Variants in PRKG1 observed in about 807,000 individuals in gnomAD.
The protein encoded by PRKG1 is cGMP-dependent protein kinase 1.
Under a neutral mutation model 88.1 loss-of-function variants are expected in PRKG1, and 35 were observed. The observed-to-expected ratio is 0.40, with a 90% CI of 0.30 to 0.53. The LOEUF is 0.53. Ranked by LOEUF, PRKG1 falls within the 20% of genes least tolerant of loss-of-function variation. The probability of loss-of-function intolerance (pLI) is 0.59; values close to 1 mark genes in which losing one functional copy is unlikely to be tolerated. For synonymous variants in PRKG1, 303 were observed against 292.5 expected (o/e 1.04, Z -0.37); for missense variants, 540 against 839.8 (o/e 0.64, Z 4.41).
intron 2 of PRKG1, among the ~76,000 whole-genome samples, chr10:51,311,537 A>G (rs1841186071): frequency 6.6e-6 from 1 of 152,200 alleles, no homozygotes; most frequent in African/African-American, 2.4e-5. Flanking sequence ...ACAGGTGAAG[A>G]AGTATTCACT....
chr10:52,197,300 T>G (rs1839532486), intron 9 of PRKG1, among the ~76,000 whole-genome samples: 1 of 152,178 alleles, frequency 6.6e-6, no homozygotes, highest in Non-Finnish European at 1.5e-5. Context: ...CATGTTGGAC[T>G]TCAAACATAG....
intron 5 of PRKG1, among the ~76,000 whole-genome samples, chr10:51,989,780 C>A (rs1411170109): frequency 1.3e-5 from 2 of 151,908 alleles, no homozygotes; most frequent in African/African-American, 2.4e-5. Flanking sequence ...TAAGGAGTAA[C>A]TTTTTTTATA....
At chr10:51,881,076 T>C (rs1426932304) in intron 4 of PRKG1, among the ~76,000 whole-genome samples, 1 of 151,894 alleles carries the variant, frequency 6.6e-6, no homozygotes, top group African/African-American at 2.4e-5. Context: ...TCTGGAAGCA[T>C]AGTTCAGGTA....
At chr10:51,039,091 A>T (rs1179866649) in intron 1 of PRKG1, among the ~76,000 whole-genome samples, 2 of 152,226 alleles carry the variant, frequency 1.3e-5, no homozygotes, top group Non-Finnish European at 2.9e-5. Context: ...TCTTTTGGGC[A>T]TATACCTAGC....
intron 7 of PRKG1, among the ~76,000 whole-genome samples, chr10:52,088,236 C>G (rs1343369429): frequency 6.6e-6 from 1 of 151,676 alleles, no homozygotes; most frequent in South Asian, 2.1e-4. Flanking sequence ...TTCACATCCA[C>G]AAAAATGCCT....
At chr10:51,761,445 T>C (rs1473923231) in intron 3 of PRKG1, among the ~76,000 whole-genome samples, 1 of 152,216 alleles carries the variant, frequency 6.6e-6, no homozygotes, top group Non-Finnish European at 1.5e-5. Flanking sequence ...GGATTCCACA[T>C]GGCATCCTGC....
rs982744563 is a variant in PRKG1 at position 51,400,632 on chromosome 10, A to G, written c.479-67091A>G. On this transcript the variant is annotated intron_variant, in intron 2 of 17. Coordinates refer to ENST00000373980, the MANE Select transcript of PRKG1 (RefSeq NM_006258.4). ...AAACAAATTGTAACTATAGTGAAAA[A>G]TAAAAAGCAGAGTGCAACGTGGAAG... Among the ~76,000 whole-genome samples the G allele has an allele frequency of 2.6e-5, 4 of 152,250 alleles. No individual in the cohort carries two copies. In the East Asian group the frequency reaches 5.8e-4, roughly 22 times the overall value.
At chr10:51,960,121 C>T (rs1843410408) in intron 5 of PRKG1, among the ~76,000 whole-genome samples, 1 of 118,470 alleles carries the variant, frequency 8.4e-6, no homozygotes. Flanking sequence ...ACTTTGGTTT[C>T]CTTTTTTTTT....
intron 3 of PRKG1, among the ~76,000 whole-genome samples, chr10:51,559,293 G>A (rs1171042718): frequency 1.3e-5 from 2 of 152,022 alleles, no homozygotes; most frequent in African/African-American, 2.4e-5. Context: ...ATACCGACGG[G>A]ACAGAAAAAC....
chr10:51,389,689 T>C (rs1837349253), intron 2 of PRKG1, among the ~76,000 whole-genome samples: 1 of 152,162 alleles, frequency 6.6e-6, no homozygotes, highest in African/African-American at 2.4e-5. Flanking sequence ...TATAAGTTAT[T>C]TTCCATATAT....
At chr10:51,538,343 GTATAT>G (rs1842212059) in intron 3 of PRKG1, among the ~76,000 whole-genome samples, 1 of 132,968 alleles carries the variant, frequency 7.5e-6, no homozygotes, top group Non-Finnish European at 1.7e-5. Flanking sequence ...TGAACATTAT[GTATAT>G]TATGATATAT....
At chr10:51,535,725 ATTTTTT>A (rs34150180) in intron 3 of PRKG1, among the ~76,000 whole-genome samples, 1 of 145,038 alleles carries the variant, frequency 6.9e-6, no homozygotes, top group Admixed American at 6.8e-5. Flanking sequence ...GAAATCAATG[ATTTTTT>A]TTTTTTTTTT....
At chr10:52,263,516 C>T (rs1841487033) in intron 10 of PRKG1, among the ~76,000 whole-genome samples, 1 of 151,900 alleles carries the variant, frequency 6.6e-6, no homozygotes, top group African/African-American at 2.4e-5. Context: ...TTAGAACATT[C>T]CTACCACTGC....
intron 3 of PRKG1, among the ~76,000 whole-genome samples, chr10:51,485,723 CA>C (rs140194773): frequency 0.011 from 1,624 of 152,188 alleles, 15 homozygotes; most frequent in Non-Finnish European, 0.016. Flanking sequence ...TATAAGCTGG[CA>C]AAAAGCTTCT....
chr10:52,142,146 T>C (rs1162178482), intron 8 of PRKG1, among the ~76,000 whole-genome samples: 1 of 152,142 alleles, frequency 6.6e-6, no homozygotes, highest in African/African-American at 2.4e-5. Flanking sequence ...AATCCTTTAG[T>C]TTAAAAATGA....
chr10:51,506,105 T>G (rs548079866), intron 3 of PRKG1, among the ~76,000 whole-genome samples: 145 of 152,224 alleles, frequency 9.5e-4, no homozygotes, highest in African/African-American at 3.4e-3. Flanking sequence ...TAGCCATATG[T>G]AGAAAGCTGA....
chr10:52,183,369 C>T (rs1270760113), intron 9 of PRKG1, among the ~76,000 whole-genome samples: 3 of 152,172 alleles, frequency 2.0e-5, no homozygotes, highest in Non-Finnish European at 4.4e-5. Flanking sequence ...TATGTAGTGG[C>T]TCTCCTTGCC....
rs374095966 is a variant in PRKG1, at chr10:51,481,578, T to C, written c.592+13742T>C. Among the ~76,000 whole-genome samples, 23 of 152,304 alleles carry C rather than the reference T, an allele frequency of 1.5e-4. No homozygotes were observed. In the East Asian group the frequency reaches 3.1e-3, roughly 20 times the overall value. ...TCTTTGGTTCAATAGAATACATTATTTTAGTGTACATTAATTTAAAAATTC... is the reference window on the plus strand; with the variant it reads ...TCTTTGGTTCAATAGAATACATTATCTTAGTGTACATTAATTTAAAAATTC... On this transcript the variant is annotated intron_variant, in intron 3 of 17. Coordinates refer to ENST00000373980, the MANE Select transcript of PRKG1 (RefSeq NM_006258.4).
chr10:51,332,809 C>A (rs895627215), intron 2 of PRKG1, among the ~76,000 whole-genome samples: 1 of 152,160 alleles, frequency 6.6e-6, no homozygotes, highest in African/African-American at 2.4e-5. Flanking sequence ...TCTCCTTGTG[C>A]CCTGTGGAAA....
Sources: allele counts gnomAD v4.1 joint callset (sites outside exome capture counted in the v4.1 genomes callset), GRCh38; gene constraint gnomAD v4.1.1; transcripts MANE v1.5; gene names NCBI Gene and HGNC (gene_info 2026-07-23, HGNC 2026-07-21).